Variants in CDK7 observed in about 807,000 individuals in gnomAD.
CDK7 encodes cyclin-dependent kinase 7.
In CDK7, 25 loss-of-function variants were observed where a neutral mutation model predicts 49.1. The observed-to-expected ratio is 0.51, with a 90% confidence interval of 0.37 to 0.71. The LOEUF is 0.71. Among genes scored for constraint, CDK7 ranks in the 30% least tolerant of loss-of-function variants. The pLI is 0.00. For missense variants in CDK7, 316 were observed against 411.7 expected (o/e 0.77, Z 2.01); for synonymous variants, 107 against 140.0 (o/e 0.76, Z 1.67).
At chr5:69,276,518 C>G (rs1178006863) in intron 10 of CDK7, 25 bp from the exon 11 acceptor site, 2 of 1,608,872 alleles carry the variant, frequency 1.2e-6, no homozygotes, top group African/African-American at 1.3e-5. Context: ...ACCTACCTTA[C>G]TTTTGGTATC....
rs182061079 is a variant in CDK7, at chr5:69,245,181, C to T, written c.127-7237C>T. ...GTCTGATTTTGGTATCAGGGTAATACTGGCCCCATAGAATGAGTTTGGAAG... is the reference window on the plus strand; with the variant it reads ...GTCTGATTTTGGTATCAGGGTAATATTGGCCCCATAGAATGAGTTTGGAAG... On this transcript the variant is annotated intron_variant, in intron 2 of 11. Transcript: ENST00000256443. 4.9e-3 allele frequency among the ~76,000 whole-genome samples: 738 copies of T among 152,040 alleles called. 6 individuals are homozygous for T. The highest frequency in any genetic ancestry group is 0.017 in the South Asian group (80 of 4,810).
At chr5:69,241,314 CTT>C (rs747725798) in intron 2 of CDK7, among the ~76,000 whole-genome samples, 14 of 35,218 alleles carry the variant, frequency 4.0e-4, no homozygotes, top group African/African-American at 1.7e-3. Context: ...TAGGTTTTTT[CTT>C]TTTTTTTTTT....
chr5:69,265,246 CAG>C (rs1751071866), intron 8 of CDK7, among the ~76,000 whole-genome samples: 1 of 149,630 alleles, frequency 6.7e-6, no homozygotes, highest in South Asian at 2.1e-4. Context: ...GCCTGGGTGA[CAG>C]AGCGAGACTC....
intron 8 of CDK7, among the ~76,000 whole-genome samples, chr5:69,264,076 G>A (rs1364048074): frequency 1.3e-5 from 2 of 152,204 alleles, no homozygotes; most frequent in South Asian, 2.1e-4. Context: ...TAGTTATTAA[G>A]GATCTTCAGA....
intron 6 of CDK7, among the ~76,000 whole-genome samples, chr5:69,259,090 G>A (rs1580313714): frequency 6.7e-6 from 1 of 150,260 alleles, no homozygotes; most frequent in African/African-American, 2.4e-5. Context: ...AAAAAAAAAA[G>A]AACATAGGTC....
intron 9 of CDK7, among the ~76,000 whole-genome samples, chr5:69,270,078 AAAAAAATT>A (rs1471456629): frequency 5.4e-5 from 7 of 130,794 alleles, no homozygotes; most frequent in African/African-American, 7.6e-5. Context: ...AAAAAAAAAA[AAAAAAATT>A]AAACTTCTTA....
rs1271158007 is a variant in CDK7 at position 69,272,971 on chromosome 5, G to T, written c.794G>T (p.Gly265Val). Residue 265 changes from glycine to valine, a missense_variant, in exon 10 of 12, where the codon GGA (glycine) becomes GTA (valine). By Grantham distance (109) the Gly-to-Val change is moderately radical. Coordinates refer to ENST00000256443, the MANE Select transcript of CDK7 (RefSeq NM_001799.4). ...TTGCATCACATCTTCAGTGCAGCAGGAGACGACTTACTAGATCTCATACAA... is the reference window on the plus strand; with the variant it reads ...TTGCATCACATCTTCAGTGCAGCAGTAGACGACTTACTAGATCTCATACAA... ...IPLHHIFSAA[G>V]DDLLDLIQGL... The T allele has an allele frequency of 6.3e-7, 1 of 1,576,058 alleles. No individual in the cohort carries two copies.
chr5:69,263,254 GT>G (rs139659382), intron 8 of CDK7, among the ~76,000 whole-genome samples: 23,234 of 152,116 alleles, frequency 0.15, 1,919 homozygotes, highest in African/African-American at 0.21. Context: ...TCTGAAGCTA[GT>G]TTTTTTCTCT....
rs185324914 is a variant in CDK7, at chr5:69,272,718, T to A, written c.715-174T>A. On this transcript the variant is annotated intron_variant, in intron 9 of 11. Coordinates refer to ENST00000256443, the MANE Select transcript of CDK7 (RefSeq NM_001799.4). The stretch of plus-strand genomic sequence containing the variant: ...AGTGTACAAAATTACAATTGATTTT[T>A]AAATTTTCAATTTATATCCTTTTCA... 8.9e-4 allele frequency among the ~76,000 whole-genome samples: 136 copies of A among 152,254 alleles called. 2 individuals carry two copies. Among genetic ancestry groups the A allele is most frequent in the African/African-American group, 3.2e-3 (132 of 41,558 alleles).
intron 2 of CDK7, among the ~76,000 whole-genome samples, chr5:69,237,018 A>C (rs1340141678): frequency 6.4e-5 from 3 of 47,240 alleles, no homozygotes; most frequent in Admixed American, 5.4e-4. Context: ...TTTCTGGTTT[A>C]TGTTTTATGA....
intron 2 of CDK7, among the ~76,000 whole-genome samples, chr5:69,236,586 T>C (rs1003213470): frequency 6.6e-6 from 1 of 152,172 alleles, no homozygotes. Flanking sequence ...CTTGCATTCA[T>C]TTAAAACCTG....
chr5:69,261,536 GGT>G lies in CDK7; in HGVS notation c.528-666_528-665del, dbSNP rs1750826052. Among the ~76,000 whole-genome samples, 7 of 136,822 alleles carry G rather than the reference GGT, an allele frequency of 5.1e-5. No homozygotes were observed. The South Asian group carries it at 1.7e-3, about 34-fold the overall frequency. The allele number at this position is 136,822 out of a possible 152,430, so 89.8% of individuals were successfully genotyped here. ...TGTGTGTGTGTGTGTATGTGTGTGT[GGT>G]GTTTTGTTTTGAGACGGAATCTGGC... On this transcript the variant is annotated intron_variant, in intron 7 of 11. Transcript: ENST00000256443.
chr5:69,261,316 C>CT (rs1250207583), intron 7 of CDK7, among the ~76,000 whole-genome samples: 1 of 152,172 alleles, frequency 6.6e-6, no homozygotes, highest in East Asian at 1.9e-4. Context: ...GCTTTCTCAT[C>CT]TACCAGTTTC....
chr5:69,262,104 G>C, intron 7 of CDK7, 101 bp from the exon 8 acceptor site: 6 of 1,422,580 alleles, frequency 4.2e-6, no homozygotes, highest in Non-Finnish European at 5.9e-6. Flanking sequence ...GTAAGGGATT[G>C]CCTTTAAAAA....
chr5:69,239,649 G>A (rs990963646), intron 2 of CDK7, among the ~76,000 whole-genome samples: 1 of 151,930 alleles, frequency 6.6e-6, no homozygotes, highest in Middle Eastern at 3.2e-3. Flanking sequence ...CTTTGGCAAG[G>A]CTTTTAGTTT....
chr5:69,241,376 A>G (rs1749374158), intron 2 of CDK7, among the ~76,000 whole-genome samples: 1 of 133,934 alleles, frequency 7.5e-6, no homozygotes, highest in Non-Finnish European at 1.5e-5. Flanking sequence ...GCTGGAGTGC[A>G]GTGGCGCAAT....
At chr5:69,238,773 G>A (rs1326022492) in intron 2 of CDK7, among the ~76,000 whole-genome samples, 2 of 150,024 alleles carry the variant, frequency 1.3e-5, no homozygotes, top group South Asian at 2.1e-4. Flanking sequence ...TTCTCCTGCC[G>A]CAGCCTCTCA....
rs974978100 is a variant in CDK7, at chr5:69,266,103, C to T, written c.628-3104C>T. Among the ~76,000 whole-genome samples the T allele has an allele frequency of 3.3e-5, 5 of 151,998 alleles. No individual in the cohort carries two copies. In the East Asian group the frequency reaches 5.8e-4, roughly 18 times the overall value. The stretch of plus-strand genomic sequence containing the variant: ...TTCACCTTTAATTGGGCTCTGCAGG[C>T]GCTGCCGCACTCTCCACCTGGTGTG... On this transcript the variant is annotated intron_variant, in intron 8 of 11. Transcript: ENST00000256443.
intron 2 of CDK7, among the ~76,000 whole-genome samples, chr5:69,248,802 CTTTTTTT>C (rs70992911): frequency 8.7e-5 from 8 of 92,276 alleles, no homozygotes; most frequent in Non-Finnish European, 1.2e-4. Context: ...TTTTTTTTTT[CTTTTTTT>C]TTTTTTTTTT....
Sources: gnomAD v4.1 joint callset for allele counts (sites outside exome capture counted in the v4.1 genomes callset) on GRCh38, gnomAD v4.1.1 for gene constraint, MANE v1.5 for transcripts, NCBI Gene and HGNC (gene_info 2026-07-23, HGNC 2026-07-21) for gene names.